The following KIAA1328 variants were observed in gnomAD, a reference collection of about 807,000 sequenced individuals.
KIAA1328 encodes protein hinderin.
In KIAA1328, 52 loss-of-function variants were observed where a neutral mutation model predicts 68.1. The ratio of observed to expected loss-of-function variants is 0.76; its 90% confidence interval spans 0.61 to 0.96. The LOEUF (loss-of-function observed/expected upper bound fraction) is 0.96. Among genes scored for constraint, KIAA1328 ranks in the 40% least tolerant of loss-of-function variants. KIAA1328 has a pLI of 0.00. For synonymous variants in KIAA1328, 232 were observed against 239.4 expected (o/e 0.97, Z 0.28); for missense variants, 641 against 677.6 (o/e 0.95, Z 0.60).
intron 5 of KIAA1328, among the ~76,000 whole-genome samples, chr18:36,917,972 T>G (rs78836338): frequency 1.6e-4 from 24 of 150,788 alleles, no homozygotes; most frequent in Non-Finnish European, 2.1e-4. Context: ...CAGTTGTGTG[T>G]TTTTTTTTGT....
At chr18:37,028,003 C>T (rs1372536240) in intron 6 of KIAA1328, among the ~76,000 whole-genome samples, 5 of 152,098 alleles carry the variant, frequency 3.3e-5, no homozygotes, top group Non-Finnish European at 7.4e-5. Flanking sequence ...AGAACTCAAA[C>T]AAATTTACAA....
At chr18:36,874,199 AC>A (rs2048043628) in intron 4 of KIAA1328, among the ~76,000 whole-genome samples, 1 of 152,228 alleles carries the variant, frequency 6.6e-6, no homozygotes, top group South Asian at 2.1e-4. Context: ...TTGGGTATAT[AC>A]CCAGTAATGG....
chr18:36,933,362 A>T (rs964892313), intron 5 of KIAA1328, among the ~76,000 whole-genome samples: 3 of 152,092 alleles, frequency 2.0e-5, no homozygotes, highest in Non-Finnish European at 1.5e-5. Context: ...GGCCCCCTCC[A>T]ATCAGTGGTG....
chr18:37,005,075 C>A (rs552604438), intron 6 of KIAA1328, among the ~76,000 whole-genome samples: 7 of 151,926 alleles, frequency 4.6e-5, no homozygotes, highest in Non-Finnish European at 1.0e-4. Context: ...AAGAATGATA[C>A]AATGGACTTT....
At chr18:37,095,431 T>TA (rs973493225) in intron 7 of KIAA1328, among the ~76,000 whole-genome samples, 7 of 151,964 alleles carry the variant, frequency 4.6e-5, no homozygotes, top group African/African-American at 7.2e-5. Flanking sequence ...AGAGGAACTA[T>TA]AAAAAAATGT....
chr18:37,004,178 C>T (rs2053690543), intron 6 of KIAA1328, among the ~76,000 whole-genome samples: 1 of 151,924 alleles, frequency 6.6e-6, no homozygotes, highest in African/African-American at 2.4e-5. Context: ...GTTTTTGGCA[C>T]TGTGGTCATT....
chr18:37,142,942 G>GTTTTTTTTTTTTTTT (rs551875920), intron 7 of KIAA1328, among the ~76,000 whole-genome samples: 2 of 140,366 alleles, frequency 1.4e-5, no homozygotes. Context: ...ATTTACTTTG[G>GTTTTTTTTTTTTTTT]TTTTTTTTTT....
intron 5 of KIAA1328, among the ~76,000 whole-genome samples, chr18:36,948,020 T>C (rs1199622034): frequency 6.6e-6 from 1 of 152,094 alleles, no homozygotes; most frequent in Non-Finnish European, 1.5e-5. Flanking sequence ...GACCTCCCCT[T>C]CCCATCATGG....
intron 5 of KIAA1328, chr18:36,895,647 G>A: frequency 9.8e-6 from 4 of 407,158 alleles, no homozygotes; most frequent in South Asian, 1.9e-5. Flanking sequence ...AGCAAGGTTC[G>A]TTTGCTTATG....
At chr18:37,088,832 G>A (rs370988387) in intron 7 of KIAA1328, among the ~76,000 whole-genome samples, 3 of 151,826 alleles carry the variant, frequency 2.0e-5, no homozygotes, top group Non-Finnish European at 4.4e-5. Context: ...AATTTTTAAT[G>A]TCAACATATC....
chr18:36,985,693 C>G (rs947985396), intron 6 of KIAA1328, among the ~76,000 whole-genome samples: 2 of 152,050 alleles, frequency 1.3e-5, no homozygotes, highest in Admixed American at 1.3e-4. Context: ...CCATATACCC[C>G]GGTAAACACA....
At chr18:37,213,192 A>G (rs1945397072) in intron 9 of KIAA1328, among the ~76,000 whole-genome samples, 1 of 152,210 alleles carries the variant, frequency 6.6e-6, no homozygotes, top group Non-Finnish European at 1.5e-5. Context: ...GTACATGTGC[A>G]CAACGTGCAA....
At chr18:36,850,061 GTTA>G (rs2047161546) in intron 4 of KIAA1328, among the ~76,000 whole-genome samples, 1 of 151,524 alleles carries the variant, frequency 6.6e-6, no homozygotes, top group Non-Finnish European at 1.5e-5. Flanking sequence ...TTTCTTTTTT[GTTA>G]TTATAACTGG....
chr18:37,105,114 G>A (rs1328925563), intron 7 of KIAA1328, among the ~76,000 whole-genome samples: 2 of 152,186 alleles, frequency 1.3e-5, no homozygotes, highest in Non-Finnish European at 2.9e-5. Context: ...TCAGCAACAT[G>A]ACTGATTAAC....
At chr18:37,136,109 C>T (rs1282201418) in intron 7 of KIAA1328, among the ~76,000 whole-genome samples, 4 of 152,042 alleles carry the variant, frequency 2.6e-5, no homozygotes, top group Non-Finnish European at 1.5e-5. Context: ...TTTTTGCATC[C>T]TTGTACCACA....
chr18:36,952,246 A>T (rs1172844076), intron 5 of KIAA1328, among the ~76,000 whole-genome samples: 3 of 152,100 alleles, frequency 2.0e-5, no homozygotes, highest in African/African-American at 7.2e-5. Flanking sequence ...TCAATGTCAC[A>T]TGTTCTCTGG....
At chr18:37,118,216 A>G (rs1440938802) in intron 7 of KIAA1328, among the ~76,000 whole-genome samples, 1 of 151,918 alleles carries the variant, frequency 6.6e-6, no homozygotes, top group Non-Finnish European at 1.5e-5. Flanking sequence ...GATGGTCTTG[A>G]ACTCCTGAGC....
intron 5 of KIAA1328, among the ~76,000 whole-genome samples, chr18:36,895,030 T>G (rs2048823370): frequency 1.3e-5 from 2 of 152,186 alleles, no homozygotes; most frequent in South Asian, 4.1e-4. Context: ...TACATCTAAT[T>G]TCTGTTTCTT....
intron 8 of KIAA1328, among the ~76,000 whole-genome samples, chr18:37,167,237 C>T (rs2059407525): frequency 6.6e-6 from 1 of 152,126 alleles, no homozygotes. Context: ...CCCCAGTGGG[C>T]ATTTGCTGCC....
Sources: allele counts gnomAD v4.1 joint callset (sites outside exome capture counted in the v4.1 genomes callset), GRCh38; gene constraint gnomAD v4.1.1; transcripts MANE v1.5; gene names NCBI Gene and HGNC (gene_info 2026-07-23, HGNC 2026-07-21).